The following SLIT3 variants were observed in gnomAD, a reference collection of about 807,000 sequenced individuals.
SLIT3 encodes the protein slit guidance ligand 3, also known as slit homolog 3 protein.
SLIT3 carries 68 observed loss-of-function variants against 184.0 expected under a neutral mutation model. That is an observed-to-expected ratio of 0.37 (90% confidence interval 0.30 to 0.45). The LOEUF (loss-of-function observed/expected upper bound fraction) is 0.45. Ranked by LOEUF, SLIT3 falls within the 20% of genes least tolerant of loss-of-function variation. The probability of loss-of-function intolerance (pLI) is 1.00; values close to 1 mark genes in which losing one functional copy is unlikely to be tolerated. For synonymous variants in SLIT3, 831 were observed against 828.6 expected (o/e 1.00, Z -0.05); for missense variants, 1,707 against 2,026.0 (o/e 0.84, Z 3.02).
intron 9 of SLIT3, among the ~76,000 whole-genome samples, chr5:168,805,645 T>C (rs1756929704): frequency 6.6e-6 from 1 of 152,236 alleles, no homozygotes; most frequent in African/African-American, 2.4e-5. Context: ...CACATTTTAC[T>C]GGAATTTTTG....
intron 3 of SLIT3, among the ~76,000 whole-genome samples, chr5:169,198,915 G>A (rs1260724964): frequency 1.3e-5 from 2 of 150,838 alleles, no homozygotes; most frequent in Non-Finnish European, 1.5e-5. Context: ...CTGGGCAACA[G>A]AGCAAGACTC....
chr5:168,814,640 T>C (rs1398210988), intron 8 of SLIT3, among the ~76,000 whole-genome samples: 4 of 152,236 alleles, frequency 2.6e-5, no homozygotes, highest in African/African-American at 2.4e-5. Context: ...TTCCTCCACA[T>C]TGCTTCCTCT....
At chr5:169,223,787 CT>C (rs201947335) in intron 3 of SLIT3, among the ~76,000 whole-genome samples, 1 of 151,430 alleles carries the variant, frequency 6.6e-6, no homozygotes, top group African/African-American at 2.4e-5. Context: ...AAAGAGATTG[CT>C]TTTTTTTTCC....
rs535895138 is a variant in SLIT3 at position 169,246,456 on chromosome 5, C to T, written c.270-1680G>A. ...GATTTAGTTTAGAAGCCCTGTTTTG[C>T]TTGCACATTAGCTGATGATATAAGA... On this transcript the variant is annotated intron_variant, in intron 2 of 35. Transcript: ENST00000519560. Among the ~76,000 whole-genome samples the T allele has an allele frequency of 3.3e-5, 5 of 152,292 alleles. No homozygotes were observed. The South Asian group carries it at 1.0e-3, about 32-fold the overall frequency.
chr5:169,029,257 G>T lies in SLIT3; in HGVS notation c.414-145921C>A, dbSNP rs191599001. ...GTGATTGCACCACTTTCTCCGAGAA[G>T]ACATAGCCACAGGACTTTGAGGTTT... is the stretch of plus-strand genomic sequence containing the variant. On this transcript the variant is annotated intron_variant, in intron 4 of 35. Transcript: ENST00000519560. 7.1e-4 allele frequency among the ~76,000 whole-genome samples: 108 copies of T among 152,310 alleles called. 1 individual carries two copies. The highest frequency in any genetic ancestry group is 2.5e-3 in the African/African-American group (104 of 41,576).
At position 169,300,777 on chromosome 5, in the gene SLIT3, C is replaced by T; in HGVS notation, c.-68G>A. 1.2e-5 allele frequency: 15 copies of T among 1,243,682 alleles called. No individual in the cohort carries two copies. The highest frequency in any genetic ancestry group is 1.5e-5 in the Non-Finnish European group (15 of 995,978). 77.0% of individuals were successfully genotyped at this position (1,243,682 alleles called of 1,614,324 possible). ...GCAAGACGCGTGGAGCCCGAGGAGG[C>T]GCGCGGGGAGCGCGGGCGGCCTGGG... On this transcript the variant is annotated 5_prime_UTR_variant, in exon 1 of 36. Coordinates refer to ENST00000519560, the MANE Select transcript of SLIT3 (RefSeq NM_003062.4). This position sits in a 1 kb window ranked among gnomAD's most constrained non-coding sequence, Gnocchi z 4.1.
At chr5:168,724,546 C>T in intron 20 of SLIT3, 62 bp from the exon 21 acceptor site, 2 of 1,436,434 alleles carry the variant, frequency 1.4e-6, no homozygotes, top group Non-Finnish European at 1.9e-6. Context: ...CTCACCTTTT[C>T]AGAGAAGCCT....
At chr5:168,967,437 C>CCTTTTTTTTTTTTTTT (rs1763237303) in intron 4 of SLIT3, among the ~76,000 whole-genome samples, 2 of 32,732 alleles carry the variant, frequency 6.1e-5, no homozygotes, top group African/African-American at 2.1e-4. Context: ...CATCTCAAAT[C>CCTTTTTTTTTTTTTTT]TTTTTTTTTT....
At chr5:168,807,074 A>G (rs1035597802) in intron 8 of SLIT3, among the ~76,000 whole-genome samples, 1 of 151,880 alleles carries the variant, frequency 6.6e-6, no homozygotes, top group Admixed American at 6.6e-5. Context: ...AAGTGTTAAT[A>G]CCCCCACCAG....
At chr5:169,252,974 C>T (rs1765828477) in intron 1 of SLIT3, among the ~76,000 whole-genome samples, 1 of 152,090 alleles carries the variant, frequency 6.6e-6, no homozygotes, top group African/African-American at 2.4e-5. Flanking sequence ...TCCTTTCCTC[C>T]TTGAGTTTTC....
At chr5:168,872,606 GT>G (rs1759566068) in intron 5 of SLIT3, among the ~76,000 whole-genome samples, 11 of 139,774 alleles carry the variant, frequency 7.9e-5, no homozygotes, top group Non-Finnish European at 1.6e-4. Flanking sequence ...TTTTTTTAAA[GT>G]TCGTACTTTC....
At chr5:168,907,251 G>C (rs751070573) in intron 4 of SLIT3, among the ~76,000 whole-genome samples, 1 of 152,148 alleles carries the variant, frequency 6.6e-6, no homozygotes. Context: ...GCCCTGTGTC[G>C]GTGCAGAGCC....
At chr5:169,253,547 T>G (rs892847645) in intron 1 of SLIT3, among the ~76,000 whole-genome samples, 4 of 152,084 alleles carry the variant, frequency 2.6e-5, no homozygotes, top group African/African-American at 9.7e-5. Flanking sequence ...TGAGGTGCGG[T>G]TTCTCCATTT....
intron 8 of SLIT3, among the ~76,000 whole-genome samples, chr5:168,816,050 T>G (rs1031124020): frequency 5.3e-5 from 8 of 152,246 alleles, no homozygotes; most frequent in Admixed American, 2.0e-4. Flanking sequence ...TTTCTGTTTT[T>G]TTTGTTTGTT....
intron 4 of SLIT3, among the ~76,000 whole-genome samples, chr5:169,065,593 C>T (rs757223468): frequency 3.9e-5 from 6 of 152,216 alleles, no homozygotes; most frequent in African/African-American, 1.4e-4. Context: ...TCACATCAGA[C>T]ATCCTGCTCA....
intron 4 of SLIT3, among the ~76,000 whole-genome samples, chr5:168,900,152 A>G (rs1254518685): frequency 6.6e-6 from 1 of 152,228 alleles, no homozygotes; most frequent in Admixed American, 6.5e-5. Flanking sequence ...GCTGGCAAGG[A>G]TGCAGAGGTA....
intron 20 of SLIT3, among the ~76,000 whole-genome samples, chr5:168,731,706 A>G (rs1185732750): frequency 6.6e-6 from 1 of 152,148 alleles, no homozygotes. Flanking sequence ...CAAAAACCAT[A>G]TGATCATCTT....
chr5:168,762,676 G>T lies in SLIT3; in HGVS notation c.1473C>A (p.Tyr491Ter). ...AGCACTCGCTGCTGAACCTGCTGCGGTAATCCTCGGAGCCTGGGAGGGGCC... is the reference window on the plus strand; with the variant it reads ...AGCACTCGCTGCTGAACCTGCTGCGTTAATCCTCGGAGCCTGGGAGGGGCC... ...KKFRCSGSED[Y>*]RSRFSSECFM... The change falls in exon 15 of 36, where the codon TAC becomes TAA. Residue 491 changes from tyrosine to a stop codon, truncating the protein, a stop_gained. Coordinates refer to ENST00000519560, the MANE Select transcript of SLIT3 (RefSeq NM_003062.4). LOFTEE classifies it high-confidence loss of function. 6.2e-7 allele frequency: 1 copy of T among 1,613,800 alleles called. No individual in the cohort carries two copies. Among genetic ancestry groups the T allele is most frequent in the African/African-American group, 1.3e-5 (1 of 75,030 alleles).
chr5:169,257,547 T>C (rs1766010688), intron 1 of SLIT3, among the ~76,000 whole-genome samples: 1 of 116,132 alleles, frequency 8.6e-6, no homozygotes, highest in African/African-American at 3.5e-5. Flanking sequence ...TTTTTTTTTT[T>C]TTTTTTTTTT....
Sources: gnomAD v4.1 joint callset for allele counts (sites outside exome capture counted in the v4.1 genomes callset) on GRCh38, gnomAD v4.1.1 for gene constraint, Gnocchi (gnomAD v3.1) non-coding constraint, MANE v1.5 for transcripts, NCBI Gene and HGNC (gene_info 2026-07-23, HGNC 2026-07-21) for gene names.